The following PAX5 variants were observed in gnomAD, a reference collection of about 807,000 sequenced individuals.
PAX5 encodes paired box protein Pax-5.
In PAX5, 9 loss-of-function variants were observed where a neutral mutation model predicts 43.7. The ratio of observed to expected loss-of-function variants is 0.21; its 90% confidence interval spans 0.12 to 0.36. The LOEUF is 0.36. Ranked by LOEUF, PAX5 falls within the 10% of genes least tolerant of loss-of-function variation. The pLI is 1.00. For missense variants in PAX5, 383 were observed against 532.7 expected (o/e 0.72, Z 2.77); for synonymous variants, 228 against 214.3 (o/e 1.06, Z -0.56).
chr9:36,973,427 T>C (rs1285406322), intron 5 of PAX5, among the ~76,000 whole-genome samples: 1 of 152,194 alleles, frequency 6.6e-6, no homozygotes, highest in African/African-American at 2.4e-5. Context: ...TGAAATGATG[T>C]GACTTGGGGC....
At chr9:36,852,523 A>G (rs1364565111) in intron 8 of PAX5, among the ~76,000 whole-genome samples, 1 of 152,166 alleles carries the variant, frequency 6.6e-6, no homozygotes, top group African/African-American at 2.4e-5. Flanking sequence ...TAGAAACAGA[A>G]CGCTGGCAGT....
intron 8 of PAX5, among the ~76,000 whole-genome samples, chr9:36,848,413 G>A (rs1725460259): frequency 7.4e-6 from 1 of 135,834 alleles, no homozygotes; most frequent in Non-Finnish European, 1.6e-5. Flanking sequence ...CCTCTCTGGG[G>A]GCCACTCCCA....
At position 36,834,009 on chromosome 9, in the gene PAX5, A is replaced by C. The variant is rs1821461673; in HGVS notation, c.*6551T>G. 1 of 233,070 alleles carries C rather than the reference A, an allele frequency of 4.3e-6. No homozygotes were observed. The highest frequency in any genetic ancestry group is 2.2e-5 in the African/African-American group (1 of 45,348). 14.4% of individuals were successfully genotyped at this position (233,070 alleles called of 1,614,324 possible). On this transcript the variant is annotated 3_prime_UTR_variant, in exon 10 of 10. Coordinates refer to ENST00000358127, the MANE Select transcript of PAX5 (RefSeq NM_016734.3). ...TCTCAAAGAATTAAAAGCAAAATGC[A>C]TGTGTCTTCCTGGCAAAGGTTTCCA...
intron 7 of PAX5, among the ~76,000 whole-genome samples, chr9:36,886,962 T>G (rs1269145652): frequency 6.6e-6 from 1 of 152,038 alleles, no homozygotes; most frequent in African/African-American, 2.4e-5. Flanking sequence ...AGAGACACAT[T>G]TGGTTTGAAA....
intron 8 of PAX5, among the ~76,000 whole-genome samples, chr9:36,879,377 G>A (rs1189398892): frequency 6.6e-6 from 1 of 152,208 alleles, no homozygotes; most frequent in Admixed American, 6.5e-5. Context: ...GCCTCTTTGG[G>A]GTTTCCAGTG....
intron 5 of PAX5, among the ~76,000 whole-genome samples, chr9:36,982,511 C>G (rs968120594): frequency 6.6e-6 from 1 of 152,090 alleles, no homozygotes; most frequent in African/African-American, 2.4e-5. Context: ...CCTAAGAGAG[C>G]CCTCAACTGC....
intron 4 of PAX5, among the ~76,000 whole-genome samples, chr9:37,005,618 A>C (rs546813743): frequency 1.3e-5 from 2 of 152,228 alleles, no homozygotes; most frequent in Non-Finnish European, 2.9e-5. Context: ...TGTGAGTTCA[A>C]GTTCTCAGTT....
chr9:36,926,392 G>C (rs750446567), intron 6 of PAX5, among the ~76,000 whole-genome samples: 1 of 152,188 alleles, frequency 6.6e-6, no homozygotes, highest in Non-Finnish European at 1.5e-5. Context: ...ATGTGTGTAC[G>C]AGGTAGAGAT....
chr9:36,836,164 T>G lies in PAX5; in HGVS notation c.*4396A>C, dbSNP rs1487864158. ...CATCTGAGTCTCTTCCCTGCACATG[T>G]GAAAGGTGCCCAAGCAGCACTGACC... On this transcript the variant is annotated 3_prime_UTR_variant, in exon 10 of 10. Transcript: ENST00000358127. The G allele has an allele frequency of 4.3e-6, 1 of 233,302 alleles. No homozygotes were observed. Among genetic ancestry groups the G allele is most frequent in the Non-Finnish European group, 8.5e-6 (1 of 118,212 alleles). 14.5% of individuals were successfully genotyped at this position (233,302 alleles called of 1,614,324 possible). A position where few individuals can be genotyped will look rare whatever the true frequency, so the allele number is the denominator to read the frequency against.
chr9:37,015,068 C>A lies in PAX5; in HGVS notation c.339G>T (p.Glu113Asp), dbSNP rs2132471437. 1 of 1,614,230 alleles carries A rather than the reference C, an allele frequency of 6.2e-7. No individual in the cohort carries two copies. Among genetic ancestry groups the A allele is most frequent in the Non-Finnish European group, 8.5e-7 (1 of 1,180,040 alleles). The change falls in exon 3 of 10, where the codon GAG (glutamate) becomes GAT (aspartate). Residue 113 changes from glutamate (E) to aspartate (D), a missense_variant. This residue lies in a region of PAX5 where 33 missense variants were observed against 70.6 expected (regional missense o/e 0.47). Transcript: ENST00000358127. This position sits in a 1 kb window ranked among gnomAD's most constrained non-coding sequence, Gnocchi z 4.4. The part of the protein sequence containing the change: ...KRQNPTMFAW[E>D]IRDRLLAERV... ...GCTCTGCCAGCAGCCGGTCCCTGAT[C>A]TCCCAGGCAAACATGGTGGGATTTT...
rs1564102901 is a variant in PAX5, at chr9:37,034,108, T to TC, written c.-78_-77insG. 1.7e-5 allele frequency: 14 copies of TC among 806,024 alleles called. No homozygotes were observed. The highest frequency in any genetic ancestry group is 1.5e-4 in the African/African-American group (8 of 52,522). 49.9% of individuals were successfully genotyped at this position (806,024 alleles called of 1,614,324 possible). A position where few individuals can be genotyped will look rare whatever the true frequency, so the allele number is the denominator to read the frequency against. On this transcript the variant is annotated 5_prime_UTR_variant, in exon 1 of 10. Coordinates refer to ENST00000358127, the MANE Select transcript of PAX5 (RefSeq NM_016734.3). ...TGTGCCTTTTTTTTTCTTTTTTTTT[T>TC]TTTTTTTTTTTTTTTTTTGGTGCCA... is the stretch of plus-strand genomic sequence containing the variant.
chr9:36,951,169 T>C (rs968239775), intron 6 of PAX5, among the ~76,000 whole-genome samples: 1 of 152,208 alleles, frequency 6.6e-6, no homozygotes, highest in Admixed American at 6.5e-5. Context: ...CATGGAAGTA[T>C]TCCTTCCAGG....
intron 4 of PAX5, among the ~76,000 whole-genome samples, chr9:37,003,679 A>T (rs369290532): frequency 1.3e-5 from 2 of 151,610 alleles, no homozygotes; most frequent in Non-Finnish European, 2.9e-5. Context: ...AAAAAACTTT[A>T]AAAAAAAATT....
At chr9:37,019,681 G>T (rs962597708) in intron 2 of PAX5, among the ~76,000 whole-genome samples, 4 of 152,330 alleles carry the variant, frequency 2.6e-5, no homozygotes, top group Admixed American at 2.0e-4. Context: ...ACAGGACAAA[G>T]GTTGTTTTCT....
chr9:36,893,069 T>G (rs1207921465), intron 7 of PAX5, among the ~76,000 whole-genome samples: 1 of 152,256 alleles, frequency 6.6e-6, no homozygotes, highest in African/African-American at 2.4e-5. Flanking sequence ...CTTGAATATT[T>G]AACCACATGT....
chr9:36,864,942 G>C (rs556973427), intron 8 of PAX5, among the ~76,000 whole-genome samples: 1 of 152,244 alleles, frequency 6.6e-6, no homozygotes, highest in African/African-American at 2.4e-5. Flanking sequence ...GCACTCTAAC[G>C]GGCTGGCAGG....
intron 5 of PAX5, among the ~76,000 whole-genome samples, chr9:36,974,370 C>G (rs891353185): frequency 6.6e-6 from 1 of 152,260 alleles, no homozygotes; most frequent in Admixed American, 6.5e-5. Context: ...CCGGATAGAG[C>G]GCTGTTCAGT....
In PAX5 at chr9:36,952,774, GT is replaced by G. The variant is rs1462399921; in HGVS notation, c.780+13774del. Among the ~76,000 whole-genome samples the G allele has an allele frequency of 2.6e-5, 4 of 152,008 alleles. No individual in the cohort carries two copies. In the South Asian group the frequency reaches 8.3e-4, roughly 32 times the overall value. ...AGAATATTCCCAGTTCCTCATTCCTGTCCCTTAGGACATTGCTGCCATCATT... is the reference window on the plus strand; with the variant it reads ...AGAATATTCCCAGTTCCTCATTCCTGCCCTTAGGACATTGCTGCCATCATT... On this transcript the variant is annotated intron_variant, in intron 6 of 9. Coordinates refer to ENST00000358127, the MANE Select transcript of PAX5 (RefSeq NM_016734.3).
intron 6 of PAX5, among the ~76,000 whole-genome samples, chr9:36,958,256 A>G (rs1456916527): frequency 6.6e-6 from 1 of 151,416 alleles, no homozygotes; most frequent in Non-Finnish European, 1.5e-5. Context: ...TGGTCTACCC[A>G]CTGAAAACCC....
Sources: gnomAD v4.1 joint callset for allele counts (sites outside exome capture counted in the v4.1 genomes callset) on GRCh38, gnomAD v4.1.1 for gene constraint, gnomAD v4.1.1 regional missense constraint, Gnocchi (gnomAD v3.1) non-coding constraint, MANE v1.5 for transcripts, NCBI Gene and HGNC (gene_info 2026-07-23, HGNC 2026-07-21) for gene names.